Variants in MED24 observed in about 807,000 individuals in gnomAD.
MED24 encodes the protein mediator of RNA polymerase II transcription subunit 24.
A neutral mutation model predicts 118.8 loss-of-function variants in MED24; 74 were observed. The observed-to-expected ratio is 0.62, with a 90% CI of 0.52 to 0.76. The LOEUF (loss-of-function observed/expected upper bound fraction) is 0.76, where lower values mean the gene tolerates loss of function less well. Ranked by LOEUF, MED24 falls within the 30% of genes least tolerant of loss-of-function variation. The pLI is 0.00. For synonymous variants in MED24, 521 were observed against 523.9 expected (o/e 0.99, Z 0.08); for missense variants, 1,041 against 1,278.9 (o/e 0.81, Z 2.84).
intron 19 of MED24, among the ~76,000 whole-genome samples, chr17:40,024,718 A>G (rs1982438841): frequency 6.6e-6 from 1 of 152,176 alleles, no homozygotes; most frequent in Non-Finnish European, 1.5e-5. Context: ...GTATAGCCAC[A>G]CAATAGAGGT....
chr17:40,053,696 A>G (rs574921037), intron 1 of MED24, 61 bp from the exon 2 acceptor site: 1 of 1,591,530 alleles, frequency 6.3e-7, no homozygotes, highest in Non-Finnish European at 8.6e-7. Flanking sequence ...AGAACCGGGG[A>G]AGGCAGAATT....
Position 40,023,339 on chromosome 17 carries a change from G to A in MED24, c.2042C>T (p.Thr681Ile). 6.2e-7 allele frequency: 1 copy of A among 1,613,360 alleles called. No individual in the cohort carries two copies. ...GGAGGGAAACTTGATCTGCGTGGCTGTCTGCTGCAGCACGTCGGCACACAT... is the reference window on the plus strand; with the variant it reads ...GGAGGGAAACTTGATCTGCGTGGCTATCTGCTGCAGCACGTCGGCACACAT... ...ERMCADVLQQ[T>I]ATQIKFPSTG... Residue 681 changes from threonine to isoleucine, a missense_variant, in exon 20 of 26, where the codon ACA (threonine) becomes ATA (isoleucine). Thr to Ile is a moderately conservative substitution (Grantham distance 89). This residue lies in a region of MED24 where 587 missense variants were observed against 694.4 expected (regional missense o/e 0.85). Coordinates refer to ENST00000394128, the MANE Select transcript of MED24 (RefSeq NM_014815.4).
chr17:40,027,088 A>T, intron 16 of MED24, 54 bp from the exon 17 acceptor site: 1 of 1,589,970 alleles, frequency 6.3e-7, no homozygotes, highest in Non-Finnish European at 8.6e-7. Context: ...GGCGCCTGCC[A>T]GCGCTGGACC....
intron 1 of MED24, 134 bp from the exon 2 acceptor site, chr17:40,053,769 C>A: frequency 8.5e-7 from 1 of 1,170,106 alleles, no homozygotes; most frequent in Non-Finnish European, 1.2e-6. Flanking sequence ...AGAAAAAGAG[C>A]TAAAGGGATA....
chr17:40,036,012 A>C (rs939656471), intron 4 of MED24, 104 bp downstream of exon 4: 37 of 1,333,914 alleles, frequency 2.8e-5, no homozygotes, highest in Non-Finnish European at 4.0e-5. Flanking sequence ...CAGAGGCATC[A>C]TGTGCTGCCT....
At position 40,028,867 on chromosome 17, in the gene MED24, G is replaced by A. The variant is rs150608790; in HGVS notation, c.1368C>T (p.Ala456=). Residue 456 remains alanine (A), a synonymous_variant, in exon 14 of 26, where the codon GCC becomes GCT. Coordinates refer to ENST00000394128, the MANE Select transcript of MED24 (RefSeq NM_014815.4). ...KSLDLLLAAA[A]ATGKLKSFAR... ...CGAAGGATTTCAGCTTTCCAGTGGC[G>A]GCGGCGGCAGCCAGCAGCAAGTCCA... 228 of 1,613,800 alleles carry A rather than the reference G, an allele frequency of 1.4e-4. 1 individual carries two copies. The highest frequency in any genetic ancestry group is 1.0e-3 in the African/African-American group (78 of 74,930).
chr17:40,043,726 C>T (rs1196901861), intron 3 of MED24, among the ~76,000 whole-genome samples: 2 of 151,510 alleles, frequency 1.3e-5, no homozygotes, highest in Non-Finnish European at 2.9e-5. Flanking sequence ...CCCATCTCTA[C>T]TAAAAATACA....
intron 16 of MED24, 162 bp from the exon 17 acceptor site, chr17:40,027,196 C>T: frequency 9.1e-7 from 1 of 1,100,342 alleles, no homozygotes; most frequent in Admixed American, 2.7e-5. Context: ...AATGCTGCCA[C>T]CTAGTGGTCA....
rs1981663353 is a variant in MED24, at chr17:40,019,414, T to C, written c.*115A>G. 1 of 841,018 alleles carries C rather than the reference T, an allele frequency of 1.2e-6. No homozygotes were observed. Among genetic ancestry groups the C allele is most frequent in the East Asian group, 2.5e-5 (1 of 40,642 alleles). The allele number at this position is 841,018 out of a possible 1,614,324, so 52.1% of individuals were successfully genotyped here. A position where few individuals can be genotyped will look rare whatever the true frequency, so the allele number is the denominator to read the frequency against. ...GGGAACTGGAAGCCGCTAGAGGCTC[T>C]TGCACCATGTGGAGCGGATGTGAGG... On this transcript the variant is annotated 3_prime_UTR_variant, in exon 26 of 26. Transcript: ENST00000394128.
At chr17:40,039,440 A>G (rs577150226) in intron 3 of MED24, among the ~76,000 whole-genome samples, 1 of 152,244 alleles carries the variant, frequency 6.6e-6, no homozygotes, top group African/African-American at 2.4e-5. Context: ...CTGAATATTC[A>G]ACACCCCAAC....
chr17:40,024,671 C>T (rs764704095), intron 19 of MED24, among the ~76,000 whole-genome samples: 23 of 152,348 alleles, frequency 1.5e-4, no homozygotes, highest in Non-Finnish European at 2.8e-4. Context: ...GTGGAAGCAA[C>T]TGAAGTGTCC....
At chr17:40,030,260 G>A (rs182188343) in intron 12 of MED24, among the ~76,000 whole-genome samples, 364 of 151,550 alleles carry the variant, frequency 2.4e-3, no homozygotes, top group African/African-American at 8.5e-3. Context: ...AAAGTCCTGG[G>A]ATTACAGGTG....
chr17:40,053,549 C>A lies in MED24; in HGVS notation c.50G>T (p.Arg17Leu). The change falls in exon 2 of 26, where the codon CGC becomes CTC. Residue 17 changes from arginine to leucine, a missense_variant. Arg to Leu is a moderately radical substitution (Grantham distance 102). Around this residue, in one of 3 missense-constraint regions of MED24, gnomAD observed 434 missense variants for 514.9 expected, o/e 0.84. Coordinates refer to ENST00000394128, the MANE Select transcript of MED24 (RefSeq NM_014815.4). Reference sequence around the variant, plus strand: ...GATTGCCCATTGGTAGTCACTCCAGCGCTCCTTCCAGGCTTGCAAAATGGC... The same window carrying A: ...GATTGCCCATTGGTAGTCACTCCAGAGCTCCTTCCAGGCTTGCAAAATGGC... ...KQAILQAWKE[R>L]WSDYQWAINM... The A allele has an allele frequency of 5.6e-6, 9 of 1,614,144 alleles. No homozygotes were observed. The highest frequency in any genetic ancestry group is 1.6e-4 in the Middle Eastern group (1 of 6,062).
intron 10 of MED24, 25 bp downstream of exon 10, chr17:40,032,018 G>A: frequency 6.2e-7 from 1 of 1,611,030 alleles, no homozygotes; most frequent in Non-Finnish European, 8.5e-7. Context: ...CTGCTCCCAT[G>A]CCTCCATCTC....
chr17:40,050,787 T>C (rs1985753358), intron 3 of MED24, among the ~76,000 whole-genome samples: 1 of 151,976 alleles, frequency 6.6e-6, no homozygotes, highest in Admixed American at 6.6e-5. Context: ...ACTACTAGGG[T>C]AATGGGTATA....
At position 40,019,675 on chromosome 17, in the gene MED24, G is replaced by A. The variant is rs1211395155; in HGVS notation, c.2854-30C>T. 8 of 1,581,028 alleles carry A rather than the reference G, an allele frequency of 5.1e-6. No individual in the cohort carries two copies. In the Admixed American group the frequency reaches 1.2e-4, roughly 24 times the overall value. ...CACGGACAGACAGATGCTGCTTGCG[G>A]GACGGCTGGTGGTGGGTGTGCTGTC... On this transcript the variant is annotated intron_variant, in intron 25 of 25. Coordinates refer to ENST00000394128, the MANE Select transcript of MED24 (RefSeq NM_014815.4).
chr17:40,035,723 T>G lies in MED24; in HGVS notation c.325A>C (p.Ser109Arg). ...GAGCCCCCTTACCCCTGCCCTTACC[T>G]CAGACGGTCACAAAACATGTCCATG... ...DIMDMFCDRL[S>R]CHGKAEECIG... The change falls in exon 5 of 26, where the codon AGC (serine) becomes CGC (arginine). Residue 109 changes from serine (S) to arginine (R), a missense_variant and splice_region_variant. Physicochemically the swap from Ser to Arg is moderately radical, Grantham distance 110 (BLOSUM62 -1). This residue lies in a region of MED24 where 434 missense variants were observed against 514.9 expected (regional missense o/e 0.84). Coordinates refer to ENST00000394128, the MANE Select transcript of MED24 (RefSeq NM_014815.4). The G allele has an allele frequency of 1.9e-6, 3 of 1,613,680 alleles. No individual in the cohort carries two copies. The highest frequency in any genetic ancestry group is 2.5e-6 in the Non-Finnish European group (3 of 1,179,746).
chr17:40,039,936 A>G (rs1362786863), intron 3 of MED24, among the ~76,000 whole-genome samples: 1 of 150,996 alleles, frequency 6.6e-6, no homozygotes, highest in African/African-American at 2.4e-5. Flanking sequence ...GGCACCCACC[A>G]CCACGCCCGG....
At chr17:40,029,884 G>A (rs1315262732) in intron 12 of MED24, 25 bp from the exon 13 acceptor site, 8 of 1,603,822 alleles carry the variant, frequency 5.0e-6, no homozygotes, top group Non-Finnish European at 6.8e-6. Context: ...AGTTGGCCAA[G>A]GAAGGGAAGA....
Sources: gnomAD v4.1 joint callset for allele counts (sites outside exome capture counted in the v4.1 genomes callset) on GRCh38, gnomAD v4.1.1 for gene constraint, gnomAD v4.1.1 regional missense constraint, MANE v1.5 for transcripts, NCBI Gene and HGNC (gene_info 2026-07-23, HGNC 2026-07-21) for gene names.